TPM4: variants seen among roughly 807,000 people sequenced by gnomAD.
TPM4 encodes the protein tropomyosin alpha-4 chain.
Under a neutral mutation model 35.8 loss-of-function variants are expected in TPM4, and 17 were observed. The observed-to-expected ratio is 0.47, with a 90% CI of 0.32 to 0.71. The LOEUF (loss-of-function observed/expected upper bound fraction) is 0.71. Among genes scored for constraint, TPM4 ranks in the 30% least tolerant of loss-of-function variants. The pLI, the probability that TPM4 is intolerant of heterozygous loss-of-function variation, is 0.03. For missense variants in TPM4, 240 were observed against 320.9 expected, an observed-to-expected ratio of 0.75 and a Z score of 1.93; for synonymous variants, 120 against 122.9, an observed-to-expected ratio of 0.98 and a Z score of 0.15.
chr19:16,076,735 C>T, intron 1 of TPM4, 38 bp downstream of exon 1: 1 of 1,288,862 alleles, frequency 7.8e-7, no homozygotes, highest in East Asian at 3.2e-5. Flanking sequence ...CCCGCAGCCT[C>T]CTCCCCCGCG....
chr19:16,072,727 C>T (rs1018894859), upstream of TPM4, among the ~76,000 whole-genome samples: 9 of 150,356 alleles, frequency 6.0e-5, no homozygotes, highest in African/African-American at 2.2e-4. Flanking sequence ...ACCAGCCTGG[C>T]AAAACCCTGT....
At chr19:16,087,950 T>C in intron 3 of TPM4, 77 bp from the exon 4 acceptor site, 2 of 1,492,612 alleles carry the variant, frequency 1.3e-6, no homozygotes, top group Non-Finnish European at 1.8e-6. Flanking sequence ...GGGGCATCAT[T>C]GGGGGCTGTC....
At chr19:16,068,594 A>T (rs1342127284) in intron 2 of TPM4, among the ~76,000 whole-genome samples, 1 of 151,548 alleles carries the variant, frequency 6.6e-6, no homozygotes, top group East Asian at 1.9e-4. Flanking sequence ...TGTATGTTTG[A>T]GCGTGTGTCT....
intron 3 of TPM4, among the ~76,000 whole-genome samples, chr19:16,086,790 G>A (rs1039300728): frequency 1.3e-5 from 2 of 152,168 alleles, no homozygotes; most frequent in South Asian, 4.1e-4. Flanking sequence ...TCGTTAGCTG[G>A]GAGTTTTGGC....
At position 16,091,428 on chromosome 19, in the gene TPM4, C is replaced by T. The variant is rs188987970; in HGVS notation, c.532-2108C>T. On this transcript the variant is annotated intron_variant, in intron 5 of 7. Coordinates refer to ENST00000643579, the MANE Select transcript of TPM4 (RefSeq NM_003290.3). Reference sequence around the variant, plus strand: ...AAAGTCACAGAGTGCTTTGGGAATACAATAGAGGGACCTTGGTAGGTTGTG... The same window carrying T: ...AAAGTCACAGAGTGCTTTGGGAATATAATAGAGGGACCTTGGTAGGTTGTG... 5.2e-3 allele frequency among the ~76,000 whole-genome samples: 799 copies of T among 152,240 alleles called. 3 individuals are homozygous for T. The highest frequency in any genetic ancestry group is 8.6e-3 in the Non-Finnish European group (585 of 68,028).
rs764023360 is a variant in TPM4, at chr19:16,089,131, G to A, written c.531+11G>A. ...GCTGCATCTGAAAAGGTAGGTGGTTGGCTTGAGCTGGAGGGTGGCTTGCTG... is the reference window on the plus strand; with the variant it reads ...GCTGCATCTGAAAAGGTAGGTGGTTAGCTTGAGCTGGAGGGTGGCTTGCTG... On this transcript the variant is annotated intron_variant, in intron 5 of 7. Coordinates refer to ENST00000643579, the MANE Select transcript of TPM4 (RefSeq NM_003290.3). 1.9e-5 allele frequency: 31 copies of A among 1,613,086 alleles called. No individual in the cohort carries two copies. The highest frequency in any genetic ancestry group is 2.5e-5 in the Non-Finnish European group (30 of 1,179,962).
chr19:16,093,830 T>C, intron 7 of TPM4, 77 bp downstream of exon 7: 1 of 1,542,640 alleles, frequency 6.5e-7, no homozygotes. Flanking sequence ...TTGGGGAATG[T>C]TTGTGGAGGG....
chr19:16,072,308 C>T (rs948196987), upstream of TPM4, among the ~76,000 whole-genome samples: 3 of 152,176 alleles, frequency 2.0e-5, no homozygotes, highest in African/African-American at 4.8e-5. Flanking sequence ...AGGTCAGGGC[C>T]GGACCAGAGG....
upstream of TPM4, chr19:16,075,766 T>C: frequency 2.8e-6 from 1 of 357,974 alleles, no homozygotes; most frequent in Non-Finnish European, 5.1e-6. Context: ...ATTTGGAGTC[T>C]TCAGTTTCCC....
intron 5 of TPM4, among the ~76,000 whole-genome samples, chr19:16,090,846 T>A (rs1043028925): frequency 2.7e-5 from 4 of 147,862 alleles, no homozygotes; most frequent in Non-Finnish European, 3.0e-5. Context: ...TTTTTTTTTT[T>A]AGTAGAGATG....
intron 7 of TPM4, chr19:16,100,218 G>A (rs139162952): frequency 4.9e-4 from 75 of 152,268 alleles, no homozygotes; most frequent in African/African-American, 1.8e-3. Flanking sequence ...GCTTACTTAA[G>A]TGATACAACT....
In TPM4 at chr19:16,067,900, G is replaced by A. The variant is rs1476336985; in HGVS notation, c.114+162G>A. The A allele has an allele frequency of 1.6e-5, 10 of 639,682 alleles. No homozygotes were observed. In the South Asian group the frequency reaches 1.7e-4, roughly 11 times the overall value. 39.6% of individuals were successfully genotyped at this position (639,682 alleles called of 1,614,324 possible). On this transcript the variant is annotated intron_variant, in intron 2 of 2. Transcript: ENST00000589897. The surrounding 1 kb of genome is among the most constrained non-coding windows in gnomAD (Gnocchi z 4.1). Reference sequence around the variant, plus strand: ...AGGGGACCATTGCCTTCCTTGGATGGGGTCCTGGGCTGGAAGAGGGGTGAC... The same window carrying A: ...AGGGGACCATTGCCTTCCTTGGATGAGGTCCTGGGCTGGAAGAGGGGTGAC...
chr19:16,086,453 G>C lies in TPM4; in HGVS notation c.297G>C (p.Met99Ile). 6.2e-7 allele frequency: 1 copy of C among 1,613,708 alleles called. No homozygotes were observed. The highest frequency in any genetic ancestry group is 8.5e-7 in the Non-Finnish European group (1 of 1,179,966). The change falls in exon 3 of 8, where the codon ATG becomes ATC. Residue 99 changes from methionine (M) to isoleucine (I), a missense_variant. Met to Ile is a conservative substitution (Grantham distance 10). Transcript: ENST00000643579. ...TGAAGGTGATAGAAAACCGGGCCAT[G>C]AAGGATGAGGAGAAGATGGAGATTC... is the stretch of plus-strand genomic sequence containing the variant. ...RGMKVIENRA[M>I]KDEEKMEIQE...
intron 1 of TPM4, 99 bp downstream of exon 1, chr19:16,076,796 C>T: frequency 1.6e-6 from 2 of 1,269,382 alleles, no homozygotes; most frequent in Non-Finnish European, 9.9e-7. Flanking sequence ...GCGCAGTCCT[C>T]GGGCCGCCTT....
intron 2 of TPM4, among the ~76,000 whole-genome samples, chr19:16,071,253 T>G (rs182601865): frequency 2.0e-5 from 3 of 152,292 alleles, no homozygotes; most frequent in Admixed American, 2.0e-4. Flanking sequence ...TGGAGTGCAG[T>G]GGTGCAATCA....
chr19:16,093,774 T>C, intron 7 of TPM4, 21 bp downstream of exon 7: 1 of 1,612,372 alleles, frequency 6.2e-7, no homozygotes, highest in Non-Finnish European at 8.5e-7. Context: ...ACCATCTAAA[T>C]GTTTGCCTTG....
Position 16,076,636 on chromosome 19 carries a change from C to T in TPM4, c.71C>T (p.Ala24Val). Residue 24 changes from alanine to valine, a missense_variant, in exon 1 of 8, where the codon GCG (alanine) becomes GTG (valine). Ala to Val is a moderately conservative substitution (Grantham distance 64, BLOSUM62 0). Coordinates refer to ENST00000643579, the MANE Select transcript of TPM4 (RefSeq NM_003290.3). ...GCCCTGCAGCAGCAGGCGGACGAGG[C>T]GGAAGACCGCGCGCAGGGCCTGCAG... ...IQALQQQADE[A>V]EDRAQGLQRE... The T allele has an allele frequency of 1.4e-6, 2 of 1,454,304 alleles. No individual in the cohort carries two copies. Among genetic ancestry groups the T allele is most frequent in the South Asian group, 1.3e-5 (1 of 76,294 alleles). The allele number at this position is 1,454,304 out of a possible 1,614,324, so 90.1% of individuals were successfully genotyped here.
intron 1 of TPM4, chr19:16,081,638 C>T (rs1568303285): frequency 4.4e-6 from 1 of 228,596 alleles, no homozygotes; most frequent in Non-Finnish European, 8.6e-6. Context: ...TTGTGATACA[C>T]CCACCTCAGC....
intron 2 of TPM4, among the ~76,000 whole-genome samples, chr19:16,068,320 G>C (rs1402249276): frequency 1.3e-5 from 2 of 152,120 alleles, no homozygotes; most frequent in African/African-American, 4.8e-5. Flanking sequence ...GGGATTACAG[G>C]CACCCACCAT....
Sources: allele counts gnomAD v4.1 joint callset (sites outside exome capture counted in the v4.1 genomes callset), GRCh38; gene constraint gnomAD v4.1.1; non-coding constraint Gnocchi (gnomAD v3.1); transcripts MANE v1.5; gene names NCBI Gene and HGNC (gene_info 2026-07-23, HGNC 2026-07-21).